WDSUB1: variants seen among roughly 807,000 people sequenced by gnomAD.
WDSUB1 encodes the protein WD repeat, SAM and U-box domain-containing protein 1.
Under a neutral mutation model 53.9 loss-of-function variants are expected in WDSUB1, and 49 were observed. That is an observed-to-expected ratio of 0.91 (90% CI 0.72 to 1.15). The LOEUF (loss-of-function observed/expected upper bound fraction) is 1.15, where lower values mean the gene tolerates loss of function less well. Ranked by LOEUF, WDSUB1 falls within the 50% of genes most tolerant of loss-of-function variation. WDSUB1 has a pLI of 0.00. For synonymous variants in WDSUB1, 194 were observed against 200.6 expected (o/e 0.97, Z 0.28); for missense variants, 514 against 562.0 (o/e 0.91, Z 0.86).
At chr2:159,267,813 AT>A (rs1272452840) in intron 5 of WDSUB1, among the ~76,000 whole-genome samples, 2 of 152,202 alleles carry the variant, frequency 1.3e-5, no homozygotes, top group African/African-American at 4.8e-5. Flanking sequence ...TCTACTAAGT[AT>A]GATTTAAATA....
At chr2:159,285,883 G>A (rs2061782832) in intron 1 of WDSUB1, among the ~76,000 whole-genome samples, 1 of 152,146 alleles carries the variant, frequency 6.6e-6, no homozygotes, top group Admixed American at 6.5e-5. Flanking sequence ...ATCAAGACCA[G>A]GTGGTGCTTT....
intron 10 of WDSUB1, among the ~76,000 whole-genome samples, chr2:159,240,849 T>A (rs778357259): frequency 2.3e-4 from 35 of 152,180 alleles, no homozygotes; most frequent in Non-Finnish European, 4.4e-4. Context: ...ACTGAAATTT[T>A]AAAAAAATCT....
Position 159,281,935 on chromosome 2 carries a change from C to A in WDSUB1, c.398+737G>T, listed in dbSNP as rs187838742. ...GAGGTTTCAGTGAACTGAGATCCCA[C>A]CACTGCACTCCAGCCTGGGCAACAA... On this transcript the variant is annotated intron_variant, in intron 2 of 10. Transcript: ENST00000359774. 2.3e-3 allele frequency among the ~76,000 whole-genome samples: 344 copies of A among 152,274 alleles called. 1 individual carries two copies. The highest frequency in any genetic ancestry group is 8.0e-3 in the African/African-American group (331 of 41,558).
chr2:159,283,150 TGA>T (rs2061710380), intron 1 of WDSUB1, 57 bp from the exon 2 acceptor site: 5 of 1,458,274 alleles, frequency 3.4e-6, no homozygotes, highest in Non-Finnish European at 4.6e-6. Context: ...ACATGCAATT[TGA>T]GTCTATATAA....
intron 5 of WDSUB1, among the ~76,000 whole-genome samples, chr2:159,264,789 AGAAAAG>A (rs2061302360): frequency 1.3e-5 from 2 of 152,184 alleles, no homozygotes; most frequent in African/African-American, 4.8e-5. Flanking sequence ...TTTCAACTCA[AGAAAAG>A]GAAAAGGGCC....
chr2:159,275,684 A>AC (rs772802273), intron 3 of WDSUB1, 46 bp from the exon 4 acceptor site: 531 of 1,412,230 alleles, frequency 3.8e-4, no homozygotes, highest in Non-Finnish European at 4.7e-4. Context: ...AAAACACTGA[A>AC]ACCCCCCCAA....
intron 9 of WDSUB1, among the ~76,000 whole-genome samples, chr2:159,255,856 G>A (rs990851154): frequency 1.4e-4 from 22 of 151,932 alleles, no homozygotes; most frequent in Non-Finnish European, 3.2e-4. Context: ...CTTGTTTTTG[G>A]TAAAGATCTA....
At position 159,275,732 on chromosome 2, in the gene WDSUB1, T is replaced by C. The variant is rs2061527031; in HGVS notation, c.584-94A>G. The C allele has an allele frequency of 3.3e-6, 3 of 917,122 alleles. No individual in the cohort carries two copies. The South Asian group carries it at 5.7e-5, about 18-fold the overall frequency. The allele number at this position is 917,122 out of a possible 1,614,324, so 56.8% of individuals were successfully genotyped here. ...TTATACTAAGATCTATTAATTCTACTCATTTAAACCATGTTCACAAGTTAT... is the reference window on the plus strand; with the variant it reads ...TTATACTAAGATCTATTAATTCTACCCATTTAAACCATGTTCACAAGTTAT... On this transcript the variant is annotated intron_variant, in intron 3 of 10. Coordinates refer to ENST00000359774, the MANE Select transcript of WDSUB1 (RefSeq NM_001128212.3).
intron 9 of WDSUB1, among the ~76,000 whole-genome samples, chr2:159,252,763 A>G (rs2060977839): frequency 6.6e-6 from 1 of 152,254 alleles, no homozygotes; most frequent in East Asian, 1.9e-4. Context: ...ATACTAAGAC[A>G]GGTGATGTAT....
chr2:159,275,472 T>G, intron 4 of WDSUB1, 74 bp downstream of exon 4: 1 of 1,235,640 alleles, frequency 8.1e-7, no homozygotes, highest in Non-Finnish European at 1.1e-6. Context: ...CAAGGTACCT[T>G]AAGTAAAAAG....
intron 10 of WDSUB1, among the ~76,000 whole-genome samples, chr2:159,236,725 T>C (rs796965793): frequency 6.6e-6 from 1 of 152,182 alleles, no homozygotes; most frequent in African/African-American, 2.4e-5. Context: ...TGGCGAGATC[T>C]TGGCTCACTG....
chr2:159,280,296 C>T (rs981406872), intron 2 of WDSUB1, among the ~76,000 whole-genome samples: 4 of 152,118 alleles, frequency 2.6e-5, no homozygotes, highest in Admixed American at 6.5e-5. Flanking sequence ...TGACAAGCAA[C>T]ATCAACTACA....
At chr2:159,245,144 A>C (rs2060763761) in intron 10 of WDSUB1, among the ~76,000 whole-genome samples, 1 of 152,190 alleles carries the variant, frequency 6.6e-6, no homozygotes, top group Non-Finnish European at 1.5e-5. Context: ...AAGTGTTTCT[A>C]AGATCTATGT....
intron 2 of WDSUB1, 49 bp from the exon 3 acceptor site, chr2:159,279,994 T>C (rs1353981690): frequency 6.6e-7 from 1 of 1,519,700 alleles, no homozygotes; most frequent in African/African-American, 1.4e-5. Flanking sequence ...ATCCTTTACT[T>C]TATACCACAG....
rs2061055549 is a variant in WDSUB1 at position 159,256,110 on chromosome 2, A to C, written c.1132+86T>G. The C allele has an allele frequency of 3.1e-6, 4 of 1,304,836 alleles. No homozygotes were observed. In the East Asian group the frequency reaches 9.5e-5, roughly 31 times the overall value. The allele number at this position is 1,304,836 out of a possible 1,614,324, so 80.8% of individuals were successfully genotyped here. On this transcript the variant is annotated intron_variant, in intron 9 of 10. Coordinates refer to ENST00000359774, the MANE Select transcript of WDSUB1 (RefSeq NM_001128212.3). ...ATTAGTGTAGTGCCAGAACATTAAG[A>C]AGAAACCATTAATGCAACAAAATCC...
chr2:159,276,581 G>T (rs2061546086), intron 3 of WDSUB1, among the ~76,000 whole-genome samples: 2 of 152,154 alleles, frequency 1.3e-5, no homozygotes, highest in African/African-American at 4.8e-5. Context: ...TAATTTTAGT[G>T]TATCATTATA....
At chr2:159,267,513 C>G (rs753677573) in intron 5 of WDSUB1, among the ~76,000 whole-genome samples, 2 of 152,042 alleles carry the variant, frequency 1.3e-5, no homozygotes, top group Non-Finnish European at 2.9e-5. Context: ...CTGTGTTGTC[C>G]AGGCTGGTCT....
At chr2:159,241,421 A>G (rs2151042549) in intron 10 of WDSUB1, among the ~76,000 whole-genome samples, 1 of 152,204 alleles carries the variant, frequency 6.6e-6, no homozygotes, top group East Asian at 1.9e-4. Context: ...AATTAGCCAG[A>G]CATGGTGGCA....
intron 4 of WDSUB1, among the ~76,000 whole-genome samples, chr2:159,272,517 C>A (rs540835627): frequency 1.3e-5 from 2 of 152,184 alleles, no homozygotes. Flanking sequence ...TACCCTGTCT[C>A]ACATTTCAAA....
Sources: allele counts gnomAD v4.1 joint callset (sites outside exome capture counted in the v4.1 genomes callset), GRCh38; gene constraint gnomAD v4.1.1; transcripts MANE v1.5; gene names NCBI Gene and HGNC (gene_info 2026-07-23, HGNC 2026-07-21).